APBA1: variants seen among roughly 807,000 people sequenced by gnomAD.
APBA1 encodes the protein amyloid-beta A4 precursor protein-binding family A member 1.
A neutral mutation model predicts 86.6 loss-of-function variants in APBA1; 55 were observed. The observed-to-expected ratio is 0.64, with a 90% CI of 0.51 to 0.80. The LOEUF is 0.80. Ranked by LOEUF, APBA1 falls within the 30% of genes least tolerant of loss-of-function variation. The probability of loss-of-function intolerance (pLI) is 0.00; values close to 1 mark genes in which losing one functional copy is unlikely to be tolerated. For missense variants in APBA1, 1,090 were observed against 1,183.0 expected, an observed-to-expected ratio of 0.92 and a Z score of 1.15; for synonymous variants, 511 against 493.9, an observed-to-expected ratio of 1.03 and a Z score of -0.46.
chr9:69,631,102 C>T (rs941327309), intron 1 of APBA1, among the ~76,000 whole-genome samples: 1 of 152,310 alleles, frequency 6.6e-6, no homozygotes, highest in East Asian at 1.9e-4. Flanking sequence ...TGGCCAATGC[C>T]TGGTACTTGG....
chr9:69,439,534 T>C lies in APBA1; in HGVS notation c.2301+1462A>G, dbSNP rs545468133. ...TCCTCTTTATGCTTCATTTCATTCA[T>C]TTCATCTTCCATTGCTGATACCCTT... On this transcript the variant is annotated intron_variant, in intron 11 of 12. Coordinates refer to ENST00000265381, the MANE Select transcript of APBA1 (RefSeq NM_001163.4). 4.8e-3 allele frequency among the ~76,000 whole-genome samples: 738 copies of C among 152,332 alleles called. 5 individuals are homozygous for C. The highest frequency in any genetic ancestry group is 0.016 in the African/African-American group (679 of 41,572).
chr9:69,526,496 A>C (rs886669187), intron 1 of APBA1, among the ~76,000 whole-genome samples: 9 of 152,154 alleles, frequency 5.9e-5, no homozygotes, highest in Non-Finnish European at 8.8e-5. Flanking sequence ...ATCATCAGAG[A>C]ATTGCAAGTC....
At chr9:69,458,389 T>C (rs188553594) in intron 5 of APBA1, among the ~76,000 whole-genome samples, 1 of 152,338 alleles carries the variant, frequency 6.6e-6, no homozygotes. Context: ...AGTGGTGAAG[T>C]GAGACAAAGG....
chr9:69,497,400 T>C (rs1288672581), intron 2 of APBA1, among the ~76,000 whole-genome samples: 6 of 151,838 alleles, frequency 4.0e-5, no homozygotes, highest in Admixed American at 3.3e-4. Context: ...TTTTGCACCA[T>C]GGCACACAGG....
At chr9:69,531,983 G>A (rs1836440619) in intron 1 of APBA1, among the ~76,000 whole-genome samples, 1 of 152,140 alleles carries the variant, frequency 6.6e-6, no homozygotes, top group African/African-American at 2.4e-5. Flanking sequence ...AATTAAATAA[G>A]CTAATGTAGC....
intron 1 of APBA1, among the ~76,000 whole-genome samples, chr9:69,588,760 T>C (rs1354637170): frequency 6.6e-6 from 1 of 152,132 alleles, no homozygotes; most frequent in African/African-American, 2.4e-5. Flanking sequence ...GCTAGGAGCT[T>C]TACATAGATT....
chr9:69,469,007 G>A (rs1835325230), intron 4 of APBA1, among the ~76,000 whole-genome samples: 1 of 151,904 alleles, frequency 6.6e-6, no homozygotes, highest in South Asian at 2.1e-4. Context: ...TGAAACTACA[G>A]GCACTACCAT....
chr9:69,566,934 A>G (rs1402626123), intron 1 of APBA1, among the ~76,000 whole-genome samples: 1 of 152,148 alleles, frequency 6.6e-6, no homozygotes, highest in African/African-American at 2.4e-5. Context: ...CAGGGCTGTG[A>G]GGGCTGAAAC....
At chr9:69,464,103 T>G (rs983495371) in intron 5 of APBA1, 1 of 153,026 alleles carries the variant, frequency 6.5e-6, no homozygotes, top group Non-Finnish European at 1.5e-5. Flanking sequence ...CAGCCCAGCC[T>G]GCTCAGGATC....
At chr9:69,495,865 C>T (rs1181803520) in intron 2 of APBA1, among the ~76,000 whole-genome samples, 1 of 152,046 alleles carries the variant, frequency 6.6e-6, no homozygotes, top group Non-Finnish European at 1.5e-5. Flanking sequence ...CTGGAGGACA[C>T]TGAGGCCAGC....
At chr9:69,617,481 G>A (rs990843789) in intron 1 of APBA1, among the ~76,000 whole-genome samples, 2 of 151,984 alleles carry the variant, frequency 1.3e-5, no homozygotes, top group Non-Finnish European at 2.9e-5. Flanking sequence ...ATCCAGCCTA[G>A]ATTTGACCAT....
At position 69,516,233 on chromosome 9, in the gene APBA1, C is replaced by T. The variant is rs779175191; in HGVS notation, c.978G>A (p.Val326=). ...CCGCCTCGCCGCCGCCCGCGGGGCC[C>T]ACCGCCCGCTGCTGCCCCGCCGGCG... ...LQAPAGQQRA[V]GPAGGGEAGQ... is the part of the protein sequence containing the mutation. Residue 326 remains valine, a synonymous_variant, in exon 2 of 13, where the codon GTG becomes GTA. Transcript: ENST00000265381. This position sits in a 1 kb window ranked among gnomAD's most constrained non-coding sequence, Gnocchi z 7.3. 2.5e-5 allele frequency: 37 copies of T among 1,463,716 alleles called. No homozygotes were observed. Among genetic ancestry groups the T allele is most frequent in the Non-Finnish European group, 3.2e-5 (35 of 1,106,526 alleles). The allele number at this position is 1,463,716 out of a possible 1,614,324, so 90.7% of individuals were successfully genotyped here.
chr9:69,593,983 A>C (rs1009047786), intron 1 of APBA1, among the ~76,000 whole-genome samples: 7 of 152,192 alleles, frequency 4.6e-5, no homozygotes, highest in African/African-American at 1.7e-4. Context: ...TTACATTTGC[A>C]TAACAGCAGA....
chr9:69,581,941 G>T (rs1402852699), intron 1 of APBA1, among the ~76,000 whole-genome samples: 1 of 152,178 alleles, frequency 6.6e-6, no homozygotes, highest in African/African-American at 2.4e-5. Flanking sequence ...GGTCTAGTGG[G>T]TTGATAGAGT....
chr9:69,583,927 G>A (rs1002905896), intron 1 of APBA1, among the ~76,000 whole-genome samples: 2 of 152,214 alleles, frequency 1.3e-5, no homozygotes, highest in Non-Finnish European at 2.9e-5. Context: ...ATTCAAGGGC[G>A]TAATCCATGT....
intron 1 of APBA1, among the ~76,000 whole-genome samples, chr9:69,671,133 A>C (rs1823940773): frequency 6.6e-6 from 1 of 152,176 alleles, no homozygotes; most frequent in Non-Finnish European, 1.5e-5. Flanking sequence ...TCAGTGCTTA[A>C]ATGTGGAAGG....
At chr9:69,627,906 T>C (rs1376651296) in intron 1 of APBA1, among the ~76,000 whole-genome samples, 1 of 152,128 alleles carries the variant, frequency 6.6e-6, no homozygotes, top group Non-Finnish European at 1.5e-5. Context: ...TACCTGAACA[T>C]GGTAGACACA....
chr9:69,636,107 AAAG>A (rs534364160), intron 1 of APBA1, among the ~76,000 whole-genome samples: 27 of 152,228 alleles, frequency 1.8e-4, no homozygotes, highest in Non-Finnish European at 3.4e-4. Flanking sequence ...ACATTTCTCA[AAAG>A]AAGACATACA....
At chr9:69,432,835 A>AAAT (rs1421827196) in intron 11 of APBA1, among the ~76,000 whole-genome samples, 159 bp from the exon 12 acceptor site, 1 of 152,206 alleles carries the variant, frequency 6.6e-6, no homozygotes, top group East Asian at 1.9e-4. Flanking sequence ...TTTCACAAAA[A>AAAT]AATAGGTGCC....
Sources: gnomAD v4.1 joint callset for allele counts (sites outside exome capture counted in the v4.1 genomes callset) on GRCh38, gnomAD v4.1.1 for gene constraint, Gnocchi (gnomAD v3.1) non-coding constraint, MANE v1.5 for transcripts, NCBI Gene and HGNC (gene_info 2026-07-23, HGNC 2026-07-21) for gene names.